The following POLR3B variants were observed in gnomAD, a reference collection of about 807,000 sequenced individuals.
POLR3B encodes the protein RNA polymerase III subunit B.
In POLR3B, 96 loss-of-function variants were observed where a neutral mutation model predicts 147.4. The ratio of observed to expected loss-of-function variants is 0.65; its 90% CI spans 0.55 to 0.77. POLR3B has a LOEUF of 0.77. POLR3B is among the 30% of genes least tolerant of loss of function. POLR3B has a pLI of 0.00. For synonymous variants in POLR3B, 461 were observed against 485.9 expected (o/e 0.95, Z 0.67); for missense variants, 1,036 against 1,413.5 (o/e 0.73, Z 4.28).
chr12:106,382,206 A>G (rs1278909944), intron 9 of POLR3B, among the ~76,000 whole-genome samples: 1 of 152,164 alleles, frequency 6.6e-6, no homozygotes, highest in Non-Finnish European at 1.5e-5. Context: ...CCTCTTCAAG[A>G]GGGAGTCACT....
intron 16 of POLR3B, among the ~76,000 whole-genome samples, chr12:106,436,581 G>A (rs1408795746): frequency 2.6e-5 from 4 of 152,088 alleles, no homozygotes; most frequent in African/African-American, 7.2e-5. Context: ...ACAACACAAC[G>A]CCGTTATTAC....
At chr12:106,452,242 C>T (rs1430904979) in intron 19 of POLR3B, among the ~76,000 whole-genome samples, 1 of 152,172 alleles carries the variant, frequency 6.6e-6, no homozygotes, top group Non-Finnish European at 1.5e-5. Context: ...CTTACACACC[C>T]ATAGTCAGTG....
chr12:106,405,788 GTGGT>G, intron 10 of POLR3B, 65 bp from the exon 11 acceptor site: 2 of 1,475,870 alleles, frequency 1.4e-6, no homozygotes, highest in Non-Finnish European at 1.9e-6. Context: ...TACTGTACAT[GTGGT>G]TAGGTGCTTG....
Position 106,460,685 on chromosome 12 carries a change from A to AC in POLR3B, c.2570+1317_2570+1318insC, listed in dbSNP as rs560798874. Among the ~76,000 whole-genome samples the AC allele has an allele frequency of 9.6e-4, 146 of 152,122 alleles. 1 individual carries two copies. Among genetic ancestry groups the AC allele is most frequent in the African/African-American group, 3.3e-3 (139 of 41,500 alleles). ...GGCTCTCTTCCCGTCTTGAAGGAGG[A>AC]TATCTCTTTTTCTGTGCGAAGTTCA... On this transcript the variant is annotated intron_variant, in intron 22 of 27. Transcript: ENST00000228347.
At chr12:106,424,314 T>C (rs963438275) in intron 12 of POLR3B, among the ~76,000 whole-genome samples, 1 of 152,222 alleles carries the variant, frequency 6.6e-6, no homozygotes, top group Non-Finnish European at 1.5e-5. Flanking sequence ...CTATCCTGTA[T>C]GTCTGATTTT....
chr12:106,370,499 A>G (rs1347644527), intron 6 of POLR3B, among the ~76,000 whole-genome samples: 1 of 152,106 alleles, frequency 6.6e-6, no homozygotes, highest in Non-Finnish European at 1.5e-5. Flanking sequence ...AAATCCTCCT[A>G]TACTTCCCTC....
At chr12:106,401,762 A>AC (rs1406624446) in intron 10 of POLR3B, among the ~76,000 whole-genome samples, 1 of 152,080 alleles carries the variant, frequency 6.6e-6, no homozygotes, top group Non-Finnish European at 1.5e-5. Context: ...AAATTCAACA[A>AC]CCTTCATGCT....
At chr12:106,422,852 A>G (rs555662939) in intron 12 of POLR3B, among the ~76,000 whole-genome samples, 32 of 152,328 alleles carry the variant, frequency 2.1e-4, no homozygotes, top group Non-Finnish European at 4.3e-4. Flanking sequence ...TAAGTCTTCT[A>G]GGGATTCTAA....
intron 21 of POLR3B, among the ~76,000 whole-genome samples, chr12:106,458,208 G>A (rs945437856): frequency 6.6e-6 from 1 of 152,048 alleles, no homozygotes; most frequent in African/African-American, 2.4e-5. Context: ...TGCAACCTCT[G>A]CCTCCCAGAC....
At chr12:106,461,662 A>C (rs920163289) in intron 22 of POLR3B, among the ~76,000 whole-genome samples, 1 of 152,184 alleles carries the variant, frequency 6.6e-6, no homozygotes, top group Non-Finnish European at 1.5e-5. Flanking sequence ...GTGGGTATTC[A>C]GTAAATAGTT....
intron 24 of POLR3B, 30 bp from the exon 25 acceptor site, chr12:106,496,722 G>A (rs2038491859): frequency 1.2e-6 from 2 of 1,608,734 alleles, no homozygotes; most frequent in African/African-American, 1.3e-5. Context: ...CCACAGGGAG[G>A]TGCTCACTTA....
At chr12:106,407,753 TG>T (rs2037168804) in intron 11 of POLR3B, among the ~76,000 whole-genome samples, 1 of 151,752 alleles carries the variant, frequency 6.6e-6, no homozygotes, top group South Asian at 2.1e-4. Context: ...CGCTTGAAAC[TG>T]GGAGGCGGAG....
At chr12:106,507,433 G>A (rs10861614) in intron 27 of POLR3B, among the ~76,000 whole-genome samples, 34,482 of 151,988 alleles carry the variant, frequency 0.23, 4,095 homozygotes, top group African/African-American at 0.28. Flanking sequence ...AGCTTGGATC[G>A]GAGTCATTGG....
chr12:106,428,537 A>G (rs1355477115), intron 13 of POLR3B, among the ~76,000 whole-genome samples: 1 of 152,162 alleles, frequency 6.6e-6, no homozygotes, highest in Admixed American at 6.5e-5. Context: ...TAATACTCCT[A>G]CAGAATACAA....
At chr12:106,368,263 C>T (rs1490767947) in intron 4 of POLR3B, among the ~76,000 whole-genome samples, 2 of 151,558 alleles carry the variant, frequency 1.3e-5, no homozygotes, top group Admixed American at 6.6e-5. Context: ...CCTAGAGTCT[C>T]CCTTTTATTG....
At chr12:106,406,179 A>G (rs1346013414) in intron 11 of POLR3B, among the ~76,000 whole-genome samples, 1 of 152,140 alleles carries the variant, frequency 6.6e-6, no homozygotes, top group Non-Finnish European at 1.5e-5. Context: ...CGCCATCATC[A>G]TGTTTATTCT....
chr12:106,422,606 T>C (rs1174887790), intron 12 of POLR3B, among the ~76,000 whole-genome samples: 4 of 152,238 alleles, frequency 2.6e-5, no homozygotes, highest in Admixed American at 6.5e-5. Flanking sequence ...TAACTGGTTG[T>C]CCCAGCTCCA....
chr12:106,400,456 G>A (rs559380738), intron 10 of POLR3B, among the ~76,000 whole-genome samples: 14 of 151,972 alleles, frequency 9.2e-5, no homozygotes, highest in Admixed American at 1.3e-4. Flanking sequence ...AATTGAACTC[G>A]ACTCTGCACC....
At chr12:106,508,105 A>G (rs1224456278) in intron 27 of POLR3B, among the ~76,000 whole-genome samples, 1 of 152,146 alleles carries the variant, frequency 6.6e-6, no homozygotes, top group Admixed American at 6.5e-5. Flanking sequence ...TTTTCACCTC[A>G]CAGTTTGTCC....
Sources: gnomAD v4.1 joint callset for allele counts (sites outside exome capture counted in the v4.1 genomes callset) on GRCh38, gnomAD v4.1.1 for gene constraint, MANE v1.5 for transcripts, NCBI Gene and HGNC (gene_info 2026-07-23, HGNC 2026-07-21) for gene names.